Variants in NRG3 observed in about 807,000 individuals in gnomAD.
NRG3 encodes the protein pro-neuregulin-3, membrane-bound isoform.
A neutral mutation model predicts 66.9 loss-of-function variants in NRG3; 31 were observed. That is an observed-to-expected ratio of 0.46 (90% CI 0.35 to 0.63). NRG3 has a LOEUF of 0.63. NRG3 is among the 20% of genes least tolerant of loss of function. The pLI is 0.00. For synonymous variants in NRG3, 393 were observed against 359.4 expected, an observed-to-expected ratio of 1.09 and a Z score of -1.06; for missense variants, 910 against 878.9, an observed-to-expected ratio of 1.04 and a Z score of -0.45.
At chr10:82,780,473 T>C (rs1052002892) in intron 3 of NRG3, among the ~76,000 whole-genome samples, 10 of 146,044 alleles carry the variant, frequency 6.8e-5, no homozygotes, top group African/African-American at 2.6e-4. Flanking sequence ...CTTTTTTTTT[T>C]TCTTTTCTTT....
intron 4 of NRG3, among the ~76,000 whole-genome samples, chr10:82,866,097 T>G (rs1441211050): frequency 6.6e-6 from 1 of 152,144 alleles, no homozygotes; most frequent in Non-Finnish European, 1.5e-5. Context: ...GGTTATACAT[T>G]AAATGAAGAA....
intron 2 of NRG3, among the ~76,000 whole-genome samples, chr10:82,501,782 A>G (rs1844215859): frequency 6.6e-6 from 1 of 152,176 alleles, no homozygotes; most frequent in African/African-American, 2.4e-5. Flanking sequence ...GGGACTTTTT[A>G]GTTCTATGTT....
chr10:82,118,342 A>T (rs940467707), intron 1 of NRG3, among the ~76,000 whole-genome samples: 4 of 152,082 alleles, frequency 2.6e-5, no homozygotes, highest in African/African-American at 9.7e-5. Flanking sequence ...GAATAGTCGA[A>T]GTTGCCAGAA....
At chr10:82,943,104 T>G (rs1006495379) in intron 4 of NRG3, among the ~76,000 whole-genome samples, 1 of 152,130 alleles carries the variant, frequency 6.6e-6, no homozygotes, top group African/African-American at 2.4e-5. Context: ...ATTTTAAAGG[T>G]TCTTTTTGAC....
intron 4 of NRG3, among the ~76,000 whole-genome samples, chr10:82,930,989 G>A (rs1337347994): frequency 6.6e-6 from 1 of 152,176 alleles, no homozygotes; most frequent in Non-Finnish European, 1.5e-5. Context: ...GTGACAGCAG[G>A]ATGCACTGAC....
Position 82,703,572 on chromosome 10 carries a change from C to T in NRG3, c.954-35005C>T, listed in dbSNP as rs117728737. Among the ~76,000 whole-genome samples, 859 of 152,172 alleles carry T rather than the reference C, an allele frequency of 5.6e-3. 5 individuals are homozygous for T. The highest frequency in any genetic ancestry group is 6.3e-3 in the Non-Finnish European group (427 of 67,998). On this transcript the variant is annotated intron_variant, in intron 2 of 8. Coordinates refer to ENST00000372141, the MANE Select transcript of NRG3 (RefSeq NM_001010848.4). ...CTCTGAGCAATAATGAAGGAAGAAC[C>T]ATTCAACAGGCACCCTTTTATGGGT...
At chr10:82,497,576 AGTGTGTGTGTAT>A (rs1186427260) in intron 2 of NRG3, among the ~76,000 whole-genome samples, 1 of 151,848 alleles carries the variant, frequency 6.6e-6, no homozygotes, top group Non-Finnish European at 1.5e-5. Context: ...ATAGTACTTT[AGTGTGTGTGTAT>A]GTGTGTGTGT....
At chr10:82,953,108 A>C (rs567474380) in intron 5 of NRG3, among the ~76,000 whole-genome samples, 1 of 151,794 alleles carries the variant, frequency 6.6e-6, no homozygotes, top group Non-Finnish European at 1.5e-5. Context: ...CCCCATCCTT[A>C]CCATATGATA....
intron 4 of NRG3, among the ~76,000 whole-genome samples, chr10:82,890,127 GT>G (rs35591529): frequency 0.015 from 2,070 of 138,092 alleles, 14 homozygotes; most frequent in East Asian, 0.047. Flanking sequence ...GATCTGCTAA[GT>G]TTTTTTTTTT....
chr10:82,005,015 G>A (rs1351637187), intron 1 of NRG3, among the ~76,000 whole-genome samples: 1 of 152,220 alleles, frequency 6.6e-6, no homozygotes, highest in African/African-American at 2.4e-5. Context: ...GCCTTTGATT[G>A]TTACAACAGC....
At chr10:82,163,983 C>T (rs1442952566) in intron 1 of NRG3, among the ~76,000 whole-genome samples, 1 of 148,504 alleles carries the variant, frequency 6.7e-6, no homozygotes, top group East Asian at 2.0e-4. Context: ...TGGAGTGGTG[C>T]AATCTAGTCT....
At chr10:81,974,624 C>T (rs1410750938) in intron 1 of NRG3, among the ~76,000 whole-genome samples, 1 of 152,088 alleles carries the variant, frequency 6.6e-6, no homozygotes, top group East Asian at 1.9e-4. Context: ...TCTGCACAAG[C>T]ATAGTCAAGC....
rs2063024330 is a variant in NRG3, at chr10:82,041,287, C to T, written c.823+165124C>T. On this transcript the variant is annotated intron_variant, in intron 1 of 8. Coordinates refer to ENST00000372141, the MANE Select transcript of NRG3 (RefSeq NM_001010848.4). ...TGAGCAGTGAAGGTTTACAAGTCTC[C>T]CTTGCGCTTGTGCATATGGATTAAC... 2.6e-5 allele frequency among the ~76,000 whole-genome samples: 4 copies of T among 151,936 alleles called. No homozygotes were observed. The South Asian group carries it at 8.3e-4, about 32-fold the overall frequency.
chr10:81,993,517 A>G (rs1040908551), intron 1 of NRG3, among the ~76,000 whole-genome samples: 3 of 151,770 alleles, frequency 2.0e-5, no homozygotes, highest in African/African-American at 7.3e-5. Context: ...CAGCTAATTT[A>G]ATTTTTTTTT....
chr10:82,427,046 T>A lies in NRG3; in HGVS notation c.953+68178T>A, dbSNP rs556305222. 3.3e-5 allele frequency among the ~76,000 whole-genome samples: 5 copies of A among 152,268 alleles called. No individual in the cohort carries two copies. In the East Asian group the frequency reaches 9.7e-4, roughly 29 times the overall value. On this transcript the variant is annotated intron_variant, in intron 2 of 8. Coordinates refer to ENST00000372141, the MANE Select transcript of NRG3 (RefSeq NM_001010848.4). ...ATATAGGCCTCATATCGTGCAATCATACTGAACTTTTAAATTCGTTCCAGT... is the reference window on the plus strand; with the variant it reads ...ATATAGGCCTCATATCGTGCAATCAAACTGAACTTTTAAATTCGTTCCAGT...
At chr10:82,447,805 G>C (rs1420166648) in intron 2 of NRG3, among the ~76,000 whole-genome samples, 1 of 152,164 alleles carries the variant, frequency 6.6e-6, no homozygotes, top group East Asian at 1.9e-4. Flanking sequence ...TCTAGTGGAT[G>C]GGGAATTTTT....
intron 2 of NRG3, among the ~76,000 whole-genome samples, chr10:82,636,695 T>C (rs2050219606): frequency 6.6e-6 from 1 of 152,192 alleles, no homozygotes; most frequent in African/African-American, 2.4e-5. Context: ...TAAATAATGT[T>C]GCAATGAACA....
At chr10:82,691,355 C>T (rs1340073729) in intron 2 of NRG3, among the ~76,000 whole-genome samples, 2 of 152,138 alleles carry the variant, frequency 1.3e-5, no homozygotes, top group South Asian at 2.1e-4. Context: ...GTCTTCTTGT[C>T]CTAAAATTAG....
At chr10:82,883,254 A>G (rs1020635795) in intron 4 of NRG3, among the ~76,000 whole-genome samples, 2 of 143,914 alleles carry the variant, frequency 1.4e-5, no homozygotes, top group African/African-American at 2.7e-5. Flanking sequence ...TTTTGCAACA[A>G]TTGCCCAATC....
Sources: gnomAD v4.1 joint callset for allele counts (sites outside exome capture counted in the v4.1 genomes callset) on GRCh38, gnomAD v4.1.1 for gene constraint, MANE v1.5 for transcripts, NCBI Gene and HGNC (gene_info 2026-07-23, HGNC 2026-07-21) for gene names.